The following ZNF587B variants were observed in gnomAD, a reference collection of about 807,000 sequenced individuals.
ZNF587B encodes zinc finger protein 587B.
ZNF587B carries 6 observed loss-of-function variants against 7.2 expected under a neutral mutation model. That is an observed-to-expected ratio of 0.83 (90% confidence interval 0.46 to 1.65). The LOEUF (loss-of-function observed/expected upper bound fraction) is 1.65. Ranked by LOEUF, ZNF587B falls within the 40% of genes most tolerant of loss-of-function variation. The pLI is 0.01. For synonymous variants in ZNF587B, 274 were observed against 254.3 expected (o/e 1.08, Z -0.74); for missense variants, 749 against 761.0 (o/e 0.98, Z 0.19).
chr19:57,836,467 C>T (rs1600104615), intron 1 of ZNF587B, among the ~76,000 whole-genome samples: 1 of 152,032 alleles, frequency 6.6e-6, no homozygotes, highest in Admixed American at 6.6e-5. Flanking sequence ...CCACAAATGG[C>T]TGAGTGCAAG....
intron 1 of ZNF587B, among the ~76,000 whole-genome samples, chr19:57,837,774 G>A (rs1020853945): frequency 1.3e-5 from 2 of 151,610 alleles, no homozygotes; most frequent in Non-Finnish European, 2.9e-5. Context: ...TAGTAGAGAC[G>A]CAGTTTCACT....
At position 57,843,600 on chromosome 19, in the gene ZNF587B, G is replaced by GTTTTTTTTTTT. The variant is rs771371494; in HGVS notation, c.*1034_*1044dup. 2.8e-4 allele frequency: 180 copies of GTTTTTTTTTTT among 648,312 alleles called. No individual in the cohort carries two copies. Among genetic ancestry groups the GTTTTTTTTTTT allele is most frequent in the East Asian group, 1.2e-3 (6 of 5,074 alleles). The allele number at this position is 648,312 out of a possible 1,614,324, so 40.2% of individuals were successfully genotyped here. A position where few individuals can be genotyped will look rare whatever the true frequency, so the allele number is the denominator to read the frequency against. On this transcript the variant is annotated 3_prime_UTR_variant, in exon 3 of 3. Coordinates refer to ENST00000594901, the MANE Select transcript of ZNF587B (RefSeq NM_001376223.1). ...GTTGGTTGGTTGGTTGTTTTTTTTT[G>GTTTTTTTTTTT]TTTTTTTTTTTTTTTTTTTTGGAGA...
Position 57,842,960 on chromosome 19 carries a change from T to C in ZNF587B, c.*384T>C. On this transcript the variant is annotated 3_prime_UTR_variant, in exon 3 of 3. Transcript: ENST00000594901. Reference sequence around the variant, plus strand: ...TAGAACACTGAGATGAGAAAAACACTGTAGATGTATAGGTTAGATATATAG... The same window carrying C: ...TAGAACACTGAGATGAGAAAAACACCGTAGATGTATAGGTTAGATATATAG... The C allele has an allele frequency of 6.1e-6, 6 of 985,366 alleles. No individual in the cohort carries two copies. The highest frequency in any genetic ancestry group is 7.2e-6 in the Non-Finnish European group (6 of 829,892). 61.0% of individuals were successfully genotyped at this position (985,366 alleles called of 1,614,324 possible).
At chr19:57,830,680 T>TA in intron 1 of ZNF587B, 116 bp downstream of exon 1, 1 of 1,205,910 alleles carries the variant, frequency 8.3e-7, no homozygotes, top group South Asian at 1.3e-5. Flanking sequence ...GCTGAGTTTT[T>TA]ATTAGGAGTG....
Position 57,844,861 on chromosome 19 carries a change from A to G in ZNF587B, c.*2285A>G, listed in dbSNP as rs1989011909. The G allele has an allele frequency of 6.6e-6, 1 of 152,236 alleles. No homozygotes were observed. Among genetic ancestry groups the G allele is most frequent in the Non-Finnish European group, 1.5e-5 (1 of 68,052 alleles). 9.4% of individuals were successfully genotyped at this position (152,236 alleles called of 1,614,324 possible). ...GCACACATGTGCCATGATATCCAGA[A>G]TTCTGTAAGGCAACATCACAGGTTG... is the stretch of plus-strand genomic sequence containing the variant. On this transcript the variant is annotated 3_prime_UTR_variant, in exon 3 of 3. Transcript: ENST00000594901.
At chr19:57,838,205 G>A (rs2093422163) in intron 1 of ZNF587B, among the ~76,000 whole-genome samples, 1 of 151,910 alleles carries the variant, frequency 6.6e-6, no homozygotes, top group Admixed American at 6.6e-5. Context: ...TGTTCAGGAG[G>A]CTGAGGCAGG....
intron 2 of ZNF587B, among the ~76,000 whole-genome samples, chr19:57,840,075 C>CAAAAAAAAAAAAAAAAAAAAAAAAA (rs774635301): frequency 3.7e-5 from 3 of 81,112 alleles, no homozygotes; most frequent in African/African-American, 1.3e-4. Context: ...ACTCTGTCTC[C>CAAAAAAAAAAAAAAAAAAAAAAAAA]AAAAAAAAAA....
rs1369053559 is a variant in ZNF587B, at chr19:57,841,500, G to A, written c.826G>A (p.Glu276Lys). 1 of 1,586,104 alleles carries A rather than the reference G, an allele frequency of 6.3e-7. No individual in the cohort carries two copies. The highest frequency in any genetic ancestry group is 2.3e-5 in the East Asian group (1 of 43,388). ...AAGACCTTATGAATGTGGAGAATGT[G>A]AGAAATCTTTTAGTCAAAAGAGCAG... Reference protein sequence around the residue: ...GKRPYECGECEKSFSQKSSLI... With the variant: ...GKRPYECGECKKSFSQKSSLI... The change falls in exon 3 of 3, where the codon GAG becomes AAG. Residue 276 changes from glutamate (E) to lysine (K), a missense_variant. Physicochemically the swap from Glu to Lys is moderately conservative, Grantham distance 56 (BLOSUM62 1). Around this residue, in one of 3 missense-constraint regions of ZNF587B, gnomAD observed 656 missense variants for 596.5 expected, o/e 1.10. Coordinates refer to ENST00000594901, the MANE Select transcript of ZNF587B (RefSeq NM_001376223.1).
At chr19:57,836,706 A>G (rs1279423513) in intron 1 of ZNF587B, among the ~76,000 whole-genome samples, 1 of 152,014 alleles carries the variant, frequency 6.6e-6, no homozygotes, top group Non-Finnish European at 1.5e-5. Context: ...CCTCATGCCT[A>G]TAATCCTAGC....
chr19:57,839,161 A>T lies in ZNF587B; in HGVS notation c.163+12A>T. On this transcript the variant is annotated intron_variant, in intron 2 of 2. Transcript: ENST00000594901. ...TATGTCCTCCCTGGGTAAGTTGCTC[A>T]CACTCACCCTGTGACTTGAGCTAGT... The T allele has an allele frequency of 1.2e-6, 2 of 1,614,010 alleles. No homozygotes were observed. The highest frequency in any genetic ancestry group is 1.7e-6 in the Non-Finnish European group (2 of 1,179,928).
Position 57,842,441 on chromosome 19 carries a change from A to G in ZNF587B, c.1767A>G (p.Gly589=). ...ECSECGKSFA[G]ISSLTNHRRV... Reference sequence around the variant, plus strand: ...GTGAATGTGGGAAATCTTTTGCTGGAATCTCCAGTCTCACTAATCACAGGA... The same window carrying G: ...GTGAATGTGGGAAATCTTTTGCTGGGATCTCCAGTCTCACTAATCACAGGA... Residue 589 remains glycine, a synonymous_variant, in exon 3 of 3, where the codon GGA becomes GGG. Coordinates refer to ENST00000594901, the MANE Select transcript of ZNF587B (RefSeq NM_001376223.1). 1 of 1,603,356 alleles carries G rather than the reference A, an allele frequency of 6.2e-7. No homozygotes were observed. Among genetic ancestry groups the G allele is most frequent in the Non-Finnish European group, 8.5e-7 (1 of 1,175,356 alleles).
chr19:57,843,228 G>A lies in ZNF587B; in HGVS notation c.*652G>A, dbSNP rs1379548776. 12 of 910,198 alleles carry A rather than the reference G, an allele frequency of 1.3e-5. No homozygotes were observed. Among genetic ancestry groups the A allele is most frequent in the Non-Finnish European group, 1.6e-5 (12 of 761,530 alleles). 56.4% of individuals were successfully genotyped at this position (910,198 alleles called of 1,614,324 possible). A position where few individuals can be genotyped will look rare whatever the true frequency, so the allele number is the denominator to read the frequency against. The stretch of plus-strand genomic sequence containing the variant: ...GCTGGTATCGAACTCCTGAGCTCAA[G>A]CAATCTGTACACCTCAGCCTCCCAA... On this transcript the variant is annotated 3_prime_UTR_variant, in exon 3 of 3. Transcript: ENST00000594901.
Position 57,842,302 on chromosome 19 carries a change from TTC to T in ZNF587B, c.1629_1630del (p.Thr545TrpfsTer6). 1 of 1,611,620 alleles carries T rather than the reference TTC, an allele frequency of 6.2e-7. No individual in the cohort carries two copies. Among genetic ancestry groups the T allele is most frequent in the Middle Eastern group, 1.7e-4 (1 of 6,028 alleles). ...TGTGCATTCATTGTTCATAAGAGAG[TTC>T]ACACTGGTCAGAAGCCTTATGAGTG... On this transcript the variant is annotated frameshift_variant, in exon 3 of 3. Transcript: ENST00000594901. LOFTEE classifies it low-confidence loss of function (END_TRUNC).
chr19:57,832,456 G>T (rs1988454167), intron 1 of ZNF587B, among the ~76,000 whole-genome samples: 1 of 152,192 alleles, frequency 6.6e-6, no homozygotes, highest in African/African-American at 2.4e-5. Flanking sequence ...CTCCGTGTTT[G>T]TCTTGAATTT....
At chr19:57,833,122 C>G (rs1192886329) in intron 1 of ZNF587B, among the ~76,000 whole-genome samples, 1 of 152,290 alleles carries the variant, frequency 6.6e-6, no homozygotes, top group Admixed American at 6.5e-5. Context: ...TTATGTCCTT[C>G]TCCTTAGGAC....
intron 2 of ZNF587B, among the ~76,000 whole-genome samples, chr19:57,839,649 T>TC (rs1478765104): frequency 6.6e-6 from 1 of 152,132 alleles, no homozygotes; most frequent in Non-Finnish European, 1.5e-5. Flanking sequence ...GTTCTGTCTT[T>TC]CCCTTAGTCT....
chr19:57,837,429 T>G lies in ZNF587B; in HGVS notation c.37-1594T>G, dbSNP rs143380596. Among the ~76,000 whole-genome samples the G allele has an allele frequency of 1.2e-3, 183 of 149,474 alleles. 4 individuals carry two copies. In the East Asian group the frequency reaches 0.02, roughly 17 times the overall value. On this transcript the variant is annotated intron_variant, in intron 1 of 2. Coordinates refer to ENST00000594901, the MANE Select transcript of ZNF587B (RefSeq NM_001376223.1). ...CCACCACCACGCTCAGCTAGTTTTTTTTTTGTTTTGTTTTTTTTTTTTGGT... is the reference window on the plus strand; with the variant it reads ...CCACCACCACGCTCAGCTAGTTTTTGTTTTGTTTTGTTTTTTTTTTTTGGT...
rs1218240112 is a variant in ZNF587B, at chr19:57,841,490, T to A, written c.816T>A (p.Cys272Ter). The A allele has an allele frequency of 6.3e-7, 1 of 1,585,766 alleles. No homozygotes were observed. Among genetic ancestry groups the A allele is most frequent in the Non-Finnish European group, 8.6e-7 (1 of 1,165,350 alleles). ...ACAGTGGAAAAAGACCTTATGAATG[T>A]GGAGAATGTGAGAAATCTTTTAGTC... ...RVHSGKRPYE[C>*]GECEKSFSQK... The change falls in exon 3 of 3, where the codon TGT becomes TGA. Residue 272 changes from cysteine (C) to a stop codon, truncating the protein, a stop_gained. Coordinates refer to ENST00000594901, the MANE Select transcript of ZNF587B (RefSeq NM_001376223.1). LOFTEE classifies it low-confidence loss of function (END_TRUNC).
chr19:57,838,723 C>T (rs151253596), intron 1 of ZNF587B, among the ~76,000 whole-genome samples: 2 of 152,156 alleles, frequency 1.3e-5, no homozygotes, highest in Non-Finnish European at 2.9e-5. Context: ...GAATGAGGTG[C>T]GTTCAGAGAG....
Sources: gnomAD v4.1 joint callset for allele counts (sites outside exome capture counted in the v4.1 genomes callset) on GRCh38, gnomAD v4.1.1 for gene constraint, gnomAD v4.1.1 regional missense constraint, MANE v1.5 for transcripts, NCBI Gene and HGNC (gene_info 2026-07-23, HGNC 2026-07-21) for gene names.